ADGRD1: variants seen among roughly 807,000 people sequenced by gnomAD.
ADGRD1 encodes G-protein coupled receptor 133.
In ADGRD1, 77 loss-of-function variants were observed where a neutral mutation model predicts 113.4. The observed-to-expected ratio is 0.68, with a 90% CI of 0.57 to 0.82. The LOEUF is 0.82. ADGRD1 is among the 40% of genes least tolerant of loss of function. ADGRD1 has a pLI of 0.00. For synonymous variants in ADGRD1, 474 were observed against 475.0 expected (o/e 1.00, Z 0.03); for missense variants, 1,036 against 1,139.1 (o/e 0.91, Z 1.30).
At position 131,111,693 on chromosome 12, in the gene ADGRD1, G is replaced by A. The variant is rs184273596; in HGVS notation, c.2041+2816G>A. ...GTTCACTGATTCTTCTGCCACTTTGGATCTATTTTGGAACCCCTCTAGTGG... is the reference window on the plus strand; with the variant it reads ...GTTCACTGATTCTTCTGCCACTTTGAATCTATTTTGGAACCCCTCTAGTGG... On this transcript the variant is annotated intron_variant, in intron 18 of 24. Transcript: ENST00000261654. Among the ~76,000 whole-genome samples the A allele has an allele frequency of 2.0e-5, 3 of 151,756 alleles. No homozygotes were observed. The East Asian group carries it at 5.8e-4, about 29-fold the overall frequency.
At chr12:131,010,829 G>A (rs939644788) in intron 12 of ADGRD1, among the ~76,000 whole-genome samples, 1 of 152,200 alleles carries the variant, frequency 6.6e-6, no homozygotes, top group African/African-American at 2.4e-5. Context: ...GGGCCAGCCA[G>A]GCAGGCCCTG....
chr12:131,044,861 C>T (rs1040237416), intron 13 of ADGRD1, among the ~76,000 whole-genome samples: 30 of 152,256 alleles, frequency 2.0e-4, no homozygotes, highest in African/African-American at 7.2e-4. Flanking sequence ...AACCGAAACC[C>T]GAAGAGCACG....
intron 18 of ADGRD1, among the ~76,000 whole-genome samples, chr12:131,114,885 A>G (rs553741267): frequency 6.6e-6 from 1 of 152,344 alleles, no homozygotes; most frequent in South Asian, 2.1e-4. Context: ...GAGAGTTTAC[A>G]CATCACTGAA....
rs1951231654 is a variant in ADGRD1 at position 131,141,000 on chromosome 12, C to G, written c.*1737C>G. 6.6e-6 allele frequency: 1 copy of G among 152,278 alleles called. No individual in the cohort carries two copies. Among genetic ancestry groups the G allele is most frequent in the African/African-American group, 2.4e-5 (1 of 41,464 alleles). 9.4% of individuals were successfully genotyped at this position (152,278 alleles called of 1,614,324 possible). ...TAAAGTCCCATGTTTAGCCACTGCC[C>G]CAGGCTCCCGTGACCCCAGAAACCA... On this transcript the variant is annotated 3_prime_UTR_variant, in exon 25 of 25. Coordinates refer to ENST00000261654, the MANE Select transcript of ADGRD1 (RefSeq NM_198827.5).
chr12:131,120,199 G>A (rs773425794), intron 19 of ADGRD1, among the ~76,000 whole-genome samples: 3 of 152,172 alleles, frequency 2.0e-5, no homozygotes, highest in Non-Finnish European at 4.4e-5. Context: ...CCAGGTCCTT[G>A]GGAAACAGTG....
intron 13 of ADGRD1, among the ~76,000 whole-genome samples, chr12:131,029,633 G>A (rs1880394806): frequency 7.4e-6 from 1 of 135,420 alleles, no homozygotes; most frequent in African/African-American, 2.8e-5. Flanking sequence ...ACCCGTCGTA[G>A]GTGACATTCC....
At position 131,054,708 on chromosome 12, in the gene ADGRD1, C is replaced by T. The variant is rs559159700; in HGVS notation, c.1474-22093C>T. Among the ~76,000 whole-genome samples, 3 of 152,364 alleles carry T rather than the reference C, an allele frequency of 2.0e-5. No individual in the cohort carries two copies. The East Asian group carries it at 5.8e-4, about 29-fold the overall frequency. On this transcript the variant is annotated intron_variant, in intron 13 of 24. Transcript: ENST00000261654. ...GCCCTCCACTCCATGCAGCTCTCTC[C>T]TCTCCGGTCACTGGTCTTGGATATC...
In ADGRD1 at chr12:130,974,103, C is replaced by T. The variant is rs558760699; in HGVS notation, c.310+2523C>T. 3.3e-5 allele frequency among the ~76,000 whole-genome samples: 5 copies of T among 152,154 alleles called. No individual in the cohort carries two copies. The South Asian group carries it at 8.3e-4, about 25-fold the overall frequency. On this transcript the variant is annotated intron_variant, in intron 4 of 24. Transcript: ENST00000261654. ...AAGGTGACCGGGCCATGAGCCTGTG[C>T]GAGGGCCATGGCATGCCTTTCCCGC...
At chr12:131,037,964 C>G (rs1393216469) in intron 13 of ADGRD1, among the ~76,000 whole-genome samples, 1 of 148,206 alleles carries the variant, frequency 6.7e-6, no homozygotes, top group African/African-American at 2.5e-5. Context: ...CTGCACCGGG[C>G]CCCACTCACT....
chr12:131,056,405 C>G (rs1883865813), intron 13 of ADGRD1, among the ~76,000 whole-genome samples: 1 of 152,218 alleles, frequency 6.6e-6, no homozygotes. Flanking sequence ...AAGCTCAGGT[C>G]TAGCCACACT....
intron 18 of ADGRD1, among the ~76,000 whole-genome samples, chr12:131,114,614 C>G (rs762852192): frequency 3.6e-4 from 55 of 152,264 alleles, no homozygotes; most frequent in Non-Finnish European, 6.8e-4. Context: ...AATTAAGGAG[C>G]TGGAGGCCCA....
chr12:131,056,800 G>T (rs1883900838), intron 13 of ADGRD1, among the ~76,000 whole-genome samples: 1 of 152,196 alleles, frequency 6.6e-6, no homozygotes, highest in Non-Finnish European at 1.5e-5. Flanking sequence ...CCACACAAGA[G>T]ATCCTTGTGT....
At chr12:131,048,268 G>A (rs878860069) in intron 13 of ADGRD1, among the ~76,000 whole-genome samples, 5 of 152,196 alleles carry the variant, frequency 3.3e-5, no homozygotes, top group Admixed American at 6.5e-5. Context: ...CGGACGGCAC[G>A]GTGGGTGGGC....
chr12:131,121,786 G>A (rs970455676), intron 20 of ADGRD1, among the ~76,000 whole-genome samples: 1 of 152,112 alleles, frequency 6.6e-6, no homozygotes, highest in African/African-American at 2.4e-5. Flanking sequence ...CATGAGGCTC[G>A]TCCCTCATCT....
chr12:131,085,891 A>T (rs1390375853), intron 15 of ADGRD1, among the ~76,000 whole-genome samples: 16 of 152,088 alleles, frequency 1.1e-4, no homozygotes, highest in Admixed American at 9.8e-4. Flanking sequence ...TTCCGTGCGG[A>T]GCCCTGGTCT....
intron 4 of ADGRD1, among the ~76,000 whole-genome samples, chr12:130,973,839 G>C (rs903965571): frequency 6.6e-6 from 1 of 152,102 alleles, no homozygotes; most frequent in African/African-American, 2.4e-5. Context: ...TGTAATCCCA[G>C]TGTTTTGGGA....
intron 21 of ADGRD1, among the ~76,000 whole-genome samples, 153 bp downstream of exon 21, chr12:131,131,969 G>T (rs1950941370): frequency 6.6e-6 from 1 of 152,174 alleles, no homozygotes; most frequent in African/African-American, 2.4e-5. Flanking sequence ...GGCAGCTCTG[G>T]TTTCACGCCC....
intron 15 of ADGRD1, among the ~76,000 whole-genome samples, chr12:131,095,553 T>C (rs892317075): frequency 6.6e-6 from 1 of 152,136 alleles, no homozygotes; most frequent in Non-Finnish European, 1.5e-5. Flanking sequence ...GGTCTTACTC[T>C]GTGGGGCTGA....
chr12:131,047,030 AGTCAGTGTCCTCCCTG>A (rs1279385073), intron 13 of ADGRD1, among the ~76,000 whole-genome samples: 8 of 105,742 alleles, frequency 7.6e-5, no homozygotes, highest in African/African-American at 1.1e-4. Flanking sequence ...CTCCCTCTCT[AGTCAGTGTCCTCCCTG>A]GTCAGTGTCC....
Sources: gnomAD v4.1 joint callset for allele counts (sites outside exome capture counted in the v4.1 genomes callset) on GRCh38, gnomAD v4.1.1 for gene constraint, MANE v1.5 for transcripts, NCBI Gene and HGNC (gene_info 2026-07-23, HGNC 2026-07-21) for gene names.